The following RASGRP3 variants were observed in gnomAD, a reference collection of about 807,000 sequenced individuals.
The protein encoded by RASGRP3 is ras guanyl-releasing protein 3.
A neutral mutation model predicts 82.7 loss-of-function variants in RASGRP3; 54 were observed. The observed-to-expected ratio is 0.65, with a 90% CI of 0.52 to 0.82. RASGRP3 has a LOEUF of 0.82. Among genes scored for constraint, RASGRP3 ranks in the 40% least tolerant of loss-of-function variants. The pLI is 0.00. For missense variants in RASGRP3, 861 were observed against 828.9 expected (o/e 1.04, Z -0.48); for synonymous variants, 309 against 300.5 (o/e 1.03, Z -0.29).
chr2:33,541,932 G>A (rs1167076333), intron 12 of RASGRP3, among the ~76,000 whole-genome samples: 3 of 146,418 alleles, frequency 2.0e-5, no homozygotes, highest in Admixed American at 1.4e-4. Flanking sequence ...ATAGCTTTGG[G>A]TTTTTTTGCA....
rs911668682 is a variant in RASGRP3, at chr2:33,564,528, G to A, written c.*1791G>A. On this transcript the variant is annotated 3_prime_UTR_variant, in exon 18 of 18. Transcript: ENST00000403687. The stretch of plus-strand genomic sequence containing the variant: ...CAATCTAAGTACAGAAAAGCTTTTT[G>A]TGTGTTTAAAAAAATTGAAGAAAAT... 6.6e-6 allele frequency: 1 copy of A among 152,106 alleles called. No homozygotes were observed. Among genetic ancestry groups the A allele is most frequent in the Admixed American group, 6.5e-5 (1 of 15,276 alleles). 9.4% of individuals were successfully genotyped at this position (152,106 alleles called of 1,614,324 possible).
intron 1 of RASGRP3, among the ~76,000 whole-genome samples, chr2:33,491,207 T>C (rs1181102444): frequency 1.3e-5 from 2 of 151,938 alleles, no homozygotes; most frequent in South Asian, 2.1e-4. Flanking sequence ...TCCCAGCTAT[T>C]TGGGGGGCTG....
chr2:33,462,952 A>G (rs934148907), intron 2 of RASGRP3, among the ~76,000 whole-genome samples: 4 of 152,136 alleles, frequency 2.6e-5, no homozygotes, highest in African/African-American at 9.7e-5. Context: ...TTGCCTCAGG[A>G]TTTTTATTTA....
chr2:33,525,101 A>C (rs1030243247), intron 9 of RASGRP3, among the ~76,000 whole-genome samples: 1 of 151,462 alleles, frequency 6.6e-6, no homozygotes, highest in Non-Finnish European at 1.5e-5. Flanking sequence ...AAACCAAAAA[A>C]AAAAAAAAAA....
At chr2:33,452,717 C>T (rs764739356) in intron 2 of RASGRP3, among the ~76,000 whole-genome samples, 40 of 152,224 alleles carry the variant, frequency 2.6e-4, no homozygotes, top group Admixed American at 6.5e-4. Context: ...AAGCCTGTGT[C>T]TGCAGGGGTT....
At chr2:33,554,576 C>T (rs1340890478) in intron 14 of RASGRP3, among the ~76,000 whole-genome samples, 3 of 152,198 alleles carry the variant, frequency 2.0e-5, no homozygotes, top group East Asian at 3.9e-4. Flanking sequence ...GAGTTCATGC[C>T]ATTCTCCTGC....
At chr2:33,437,981 A>G (rs956454488) in intron 1 of RASGRP3, among the ~76,000 whole-genome samples, 5 of 152,340 alleles carry the variant, frequency 3.3e-5, no homozygotes, top group African/African-American at 1.2e-4. Context: ...AGTGGACTCT[A>G]AGGTGACTTA....
chr2:33,467,705 A>T (rs963053481), intron 2 of RASGRP3, among the ~76,000 whole-genome samples: 2 of 152,244 alleles, frequency 1.3e-5, no homozygotes, highest in East Asian at 1.9e-4. Flanking sequence ...TTCAGGAGGG[A>T]GCTGCTAGCA....
At chr2:33,453,869 A>G (rs948814404) in intron 2 of RASGRP3, among the ~76,000 whole-genome samples, 1 of 152,224 alleles carries the variant, frequency 6.6e-6, no homozygotes, top group African/African-American at 2.4e-5. Context: ...GATTTTTGAA[A>G]TTACACACAT....
chr2:33,457,974 A>C (rs574169310), intron 2 of RASGRP3: 2 of 152,216 alleles, frequency 1.3e-5, no homozygotes, highest in Admixed American at 1.3e-4. Flanking sequence ...TGGCCCTTCA[A>C]CTGAGGACTC....
intron 7 of RASGRP3, among the ~76,000 whole-genome samples, chr2:33,522,540 A>G (rs550417296): frequency 3.7e-4 from 57 of 152,356 alleles, no homozygotes; most frequent in African/African-American, 1.4e-3. Flanking sequence ...GAGAATCTCA[A>G]CATCAGGTTG....
At position 33,464,410 on chromosome 2, in the gene RASGRP3, G is replaced by A. The variant is rs946270157; in HGVS notation, c.-261+16467G>A. 4.6e-4 allele frequency among the ~76,000 whole-genome samples: 69 copies of A among 150,254 alleles called. No homozygotes were observed. The Middle Eastern group carries it at 0.014, about 30-fold the overall frequency. On this transcript the variant is annotated intron_variant, in intron 2 of 18. Coordinates refer to the RASGRP3 transcript ENST00000402538. ...GCTGGGATTACAGGTGTGAACCACC[G>A]TGCCTGGTCTTAAATTATTATTATA... is the stretch of plus-strand genomic sequence containing the variant.
chr2:33,519,413 A>G (rs7570064), intron 4 of RASGRP3, among the ~76,000 whole-genome samples: 44,185 of 152,044 alleles, frequency 0.29, 6,695 homozygotes, highest in East Asian at 0.39. Context: ...TCAGGAGATC[A>G]AGACCATCCT....
rs532403125 is a variant in RASGRP3, at chr2:33,517,562, A to C, written c.173+918A>C. ...TCAGTTCAAGCTTCCTCCACTTTCT[A>C]CTTCTTCTCTTCATCCTCCTCACAA... On this transcript the variant is annotated intron_variant, in intron 4 of 17. Transcript: ENST00000403687. Among the ~76,000 whole-genome samples the C allele has an allele frequency of 8.3e-4, 127 of 152,288 alleles. 1 individual carries two copies. The highest frequency in any genetic ancestry group is 3.0e-3 in the African/African-American group (124 of 41,552).
At chr2:33,469,992 TC>T (rs1156969991) in intron 2 of RASGRP3, among the ~76,000 whole-genome samples, 3 of 152,226 alleles carry the variant, frequency 2.0e-5, no homozygotes, top group African/African-American at 7.2e-5. Context: ...TTGCTCTAGT[TC>T]TTTTGGCACT....
At chr2:33,484,944 A>T (rs1668242972) in intron 1 of RASGRP3, among the ~76,000 whole-genome samples, 1 of 152,182 alleles carries the variant, frequency 6.6e-6, no homozygotes, top group African/African-American at 2.4e-5. Context: ...CACACCTGTA[A>T]TCCCAGCACT....
At chr2:33,556,728 C>G (rs1303453808) in intron 15 of RASGRP3, among the ~76,000 whole-genome samples, 1 of 152,070 alleles carries the variant, frequency 6.6e-6, no homozygotes, top group Non-Finnish European at 1.5e-5. Context: ...TCAATGGAAG[C>G]CACTGTTTAG....
chr2:33,550,092 C>A (rs75518783), intron 14 of RASGRP3, among the ~76,000 whole-genome samples: 1 of 152,098 alleles, frequency 6.6e-6, no homozygotes, highest in Non-Finnish European at 1.5e-5. Context: ...TTTATCTTAG[C>A]GAGTTCCTTC....
chr2:33,462,733 C>A (rs1030444056), intron 2 of RASGRP3, among the ~76,000 whole-genome samples: 3 of 152,250 alleles, frequency 2.0e-5, no homozygotes, highest in Admixed American at 2.0e-4. Flanking sequence ...TCAAATTGCG[C>A]CCCCACCTCA....
Sources: allele counts gnomAD v4.1 joint callset (sites outside exome capture counted in the v4.1 genomes callset), GRCh38; gene constraint gnomAD v4.1.1; transcripts MANE v1.5; gene names NCBI Gene and HGNC (gene_info 2026-07-23, HGNC 2026-07-21).